The following L3MBTL4 variants were observed in gnomAD, a reference collection of about 807,000 sequenced individuals.
L3MBTL4 encodes the protein lethal(3)malignant brain tumor-like protein 4.
Under a neutral mutation model 84.5 loss-of-function variants are expected in L3MBTL4, and 70 were observed. The ratio of observed to expected loss-of-function variants is 0.83; its 90% CI spans 0.68 to 1.01. The LOEUF (loss-of-function observed/expected upper bound fraction) is 1.01. Ranked by LOEUF, L3MBTL4 falls within the 50% of genes least tolerant of loss-of-function variation. The pLI is 0.00. For missense variants in L3MBTL4, 715 were observed against 754.8 expected, an observed-to-expected ratio of 0.95 and a Z score of 0.62; for synonymous variants, 274 against 259.8, an observed-to-expected ratio of 1.05 and a Z score of -0.52.
chr18:6,102,729 C>A (rs1284311626), intron 14 of L3MBTL4, among the ~76,000 whole-genome samples: 1 of 152,212 alleles, frequency 6.6e-6, no homozygotes, highest in African/African-American at 2.4e-5. Flanking sequence ...ACATGAAGGG[C>A]AACCTCCACT....
intron 15 of L3MBTL4, among the ~76,000 whole-genome samples, chr18:6,092,306 C>G (rs1055907576): frequency 2.0e-5 from 3 of 152,154 alleles, no homozygotes; most frequent in Non-Finnish European, 4.4e-5. Flanking sequence ...AAAAGTGTAT[C>G]CTATGAGCCA....
At chr18:6,302,407 T>C (rs561220252) in intron 3 of L3MBTL4, among the ~76,000 whole-genome samples, 2 of 152,316 alleles carry the variant, frequency 1.3e-5, no homozygotes, top group Admixed American at 1.3e-4. Context: ...CTGACCTTCA[T>C]AGAATGGACA....
intron 10 of L3MBTL4, among the ~76,000 whole-genome samples, chr18:6,236,734 A>G (rs931009843): frequency 6.6e-6 from 1 of 152,224 alleles, no homozygotes; most frequent in Non-Finnish European, 1.5e-5. Context: ...AAGGTGTTAA[A>G]TATTTCATAA....
rs550831554 is a variant in L3MBTL4, at chr18:6,164,244, A to C, written c.1096+7584T>G. ...AGGCCTGCCTGCCTCTGTAGGCTCC[A>C]CCTCTGGGGGCAGGGCACAGACAAA... On this transcript the variant is annotated intron_variant, in intron 13 of 18. Coordinates refer to ENST00000317931, the MANE Select transcript of L3MBTL4 (RefSeq NM_001330559.2). Among the ~76,000 whole-genome samples, 41 of 152,298 alleles carry C rather than the reference A, an allele frequency of 2.7e-4. No individual in the cohort carries two copies. The East Asian group carries it at 7.5e-3, about 28-fold the overall frequency.
chr18:6,140,403 G>C (rs535178084), intron 13 of L3MBTL4, among the ~76,000 whole-genome samples: 17 of 152,266 alleles, frequency 1.1e-4, no homozygotes, highest in African/African-American at 3.8e-4. Context: ...GAAACAACCT[G>C]CTGCTCTATG....
In L3MBTL4 at chr18:6,148,265, AC is replaced by A. The variant is rs376005405; in HGVS notation, c.1097-9970del. On this transcript the variant is annotated intron_variant, in intron 13 of 18. Coordinates refer to ENST00000317931, the MANE Select transcript of L3MBTL4 (RefSeq NM_001330559.2). Reference sequence around the variant, plus strand: ...ACCACAACCACTTAAATACAACAAAACTAAGCTCTTTTTATATTACAGAATA... The same window carrying A: ...ACCACAACCACTTAAATACAACAAAATAAGCTCTTTTTATATTACAGAATA... Among the ~76,000 whole-genome samples, 204 of 152,324 alleles carry A rather than the reference AC, an allele frequency of 1.3e-3. 1 individual carries two copies. The highest frequency in any genetic ancestry group is 4.5e-3 in the African/African-American group (185 of 41,564).
At position 6,166,208 on chromosome 18, in the gene L3MBTL4, A is replaced by G. The variant is rs2043646771; in HGVS notation, c.1096+5620T>C. Among the ~76,000 whole-genome samples, 2 of 152,218 alleles carry G rather than the reference A, an allele frequency of 1.3e-5. 1 individual carries two copies. The highest frequency in any genetic ancestry group is 4.1e-4 in the South Asian group (2 of 4,830). On this transcript the variant is annotated intron_variant, in intron 13 of 18. Coordinates refer to ENST00000317931, the MANE Select transcript of L3MBTL4 (RefSeq NM_001330559.2). Reference sequence around the variant, plus strand: ...TCCTTAGTGACCTACAAAGAGACTTAGACTCCCAAACAATAATAATGGGAG... The same window carrying G: ...TCCTTAGTGACCTACAAAGAGACTTGGACTCCCAAACAATAATAATGGGAG...
chr18:6,029,265 A>C (rs527585140), intron 16 of L3MBTL4: 32 of 181,092 alleles, frequency 1.8e-4, no homozygotes, highest in Non-Finnish European at 2.9e-4. Context: ...CTACAATCGC[A>C]GAGGGCCCTG....
At chr18:6,334,901 A>G (rs566505271) in intron 1 of L3MBTL4, among the ~76,000 whole-genome samples, 2 of 152,292 alleles carry the variant, frequency 1.3e-5, no homozygotes, top group Non-Finnish European at 2.9e-5. Context: ...ATCATTAAAT[A>G]TATTTCTGAA....
chr18:6,270,780 A>G (rs563514242), intron 4 of L3MBTL4, among the ~76,000 whole-genome samples: 1 of 152,296 alleles, frequency 6.6e-6, no homozygotes, highest in East Asian at 1.9e-4. Context: ...GGAGGGGCAA[A>G]CGTGAGACCA....
At chr18:6,404,852 A>ATTTT (rs796588434) in intron 1 of L3MBTL4, among the ~76,000 whole-genome samples, 1 of 142,262 alleles carries the variant, frequency 7.0e-6, no homozygotes, top group Non-Finnish European at 1.5e-5. Context: ...TGCCTGGATA[A>ATTTT]TTTTTTTTTT....
chr18:6,257,252 G>A (rs750845958), intron 5 of L3MBTL4, among the ~76,000 whole-genome samples: 1 of 152,088 alleles, frequency 6.6e-6, no homozygotes, highest in Non-Finnish European at 1.5e-5. Flanking sequence ...CAAACAATAC[G>A]AACCTCTCCC....
At chr18:6,409,108 G>C (rs1196561021) in intron 1 of L3MBTL4, among the ~76,000 whole-genome samples, 1 of 152,048 alleles carries the variant, frequency 6.6e-6, no homozygotes, top group Admixed American at 6.6e-5. Flanking sequence ...AGATCTTAAC[G>C]CCATTTGTTA....
At chr18:5,967,581 CA>C (rs2052416936) in intron 17 of L3MBTL4, among the ~76,000 whole-genome samples, 1 of 152,280 alleles carries the variant, frequency 6.6e-6, no homozygotes, top group Admixed American at 6.5e-5. Flanking sequence ...ATTCAACACA[CA>C]TTTACCAGGT....
intron 1 of L3MBTL4, among the ~76,000 whole-genome samples, chr18:6,365,749 T>C (rs1395689789): frequency 3.9e-5 from 6 of 152,250 alleles, no homozygotes; most frequent in African/African-American, 1.4e-4. Context: ...GAAAAGTTAC[T>C]TGAAACACTG....
chr18:6,377,509 TC>T (rs1459309532), intron 1 of L3MBTL4, among the ~76,000 whole-genome samples: 1 of 152,070 alleles, frequency 6.6e-6, no homozygotes, highest in Non-Finnish European at 1.5e-5. Context: ...TGTGTGATGT[TC>T]CCCTCCCTGT....
At chr18:6,266,372 T>C (rs2048632895) in intron 4 of L3MBTL4, among the ~76,000 whole-genome samples, 1 of 152,180 alleles carries the variant, frequency 6.6e-6, no homozygotes. Context: ...TACTTAGCTA[T>C]ACACACACAC....
At chr18:5,960,352 T>A (rs942216903) in intron 17 of L3MBTL4, among the ~76,000 whole-genome samples, 196 bp from the exon 18 acceptor site, 8 of 152,194 alleles carry the variant, frequency 5.3e-5, no homozygotes, top group African/African-American at 1.9e-4. Flanking sequence ...GTCCTCTTAT[T>A]ACCGGGCTGA....
intron 1 of L3MBTL4, among the ~76,000 whole-genome samples, chr18:6,330,113 A>G (rs911866830): frequency 1.3e-5 from 2 of 152,236 alleles, no homozygotes; most frequent in Non-Finnish European, 2.9e-5. Flanking sequence ...AAATAATGCT[A>G]CTTAAACAAT....
Sources: gnomAD v4.1 joint callset for allele counts (sites outside exome capture counted in the v4.1 genomes callset) on GRCh38, gnomAD v4.1.1 for gene constraint, MANE v1.5 for transcripts, NCBI Gene and HGNC (gene_info 2026-07-23, HGNC 2026-07-21) for gene names.